The following EMC3 variants were observed in gnomAD, a reference collection of about 807,000 sequenced individuals.
The protein encoded by EMC3 is 30 kDa protein.
EMC3 carries 13 observed loss-of-function variants against 36.6 expected under a neutral mutation model. The observed-to-expected ratio is 0.35, with a 90% CI of 0.23 to 0.56. The LOEUF is 0.56. Among genes scored for constraint, EMC3 ranks in the 20% least tolerant of loss-of-function variants. The pLI is 0.84. For missense variants in EMC3, 220 were observed against 324.5 expected, an observed-to-expected ratio of 0.68 and a Z score of 2.47; for synonymous variants, 120 against 111.9, an observed-to-expected ratio of 1.07 and a Z score of -0.46.
chr3:9,990,249 C>T (rs779117640), upstream of EMC3, among the ~76,000 whole-genome samples: 3 of 149,592 alleles, frequency 2.0e-5, no homozygotes, highest in Non-Finnish European at 4.4e-5. Flanking sequence ...TGGTCTGGAT[C>T]TCCTGACCTT....
At chr3:9,970,950 T>C (rs1249126492) in intron 5 of EMC3, among the ~76,000 whole-genome samples, 2 of 148,346 alleles carry the variant, frequency 1.3e-5, no homozygotes, top group Non-Finnish European at 3.0e-5. Context: ...TGAGACGGAG[T>C]CTCACCCTGT....
chr3:10,001,006 C>T (rs55840655), intron 1 of EMC3: 52,771 of 248,684 alleles, frequency 0.21, 6,409 homozygotes, highest in African/African-American at 0.36. Context: ...AGCCGGACAA[C>T]CCACTCTTTA....
At chr3:9,988,955 A>C (rs2086012073), upstream of EMC3, among the ~76,000 whole-genome samples, 3 of 151,582 alleles carry the variant, frequency 2.0e-5, no homozygotes, top group South Asian at 6.3e-4. Flanking sequence ...TCTGGCTATA[A>C]AATAAGCCTA....
At chr3:10,000,015 T>G (rs1292991583) in intron 1 of EMC3, among the ~76,000 whole-genome samples, 3 of 152,048 alleles carry the variant, frequency 2.0e-5, no homozygotes, top group African/African-American at 7.2e-5. Context: ...TCCATTAAGT[T>G]TTTGTTGTTG....
upstream of EMC3, among the ~76,000 whole-genome samples, chr3:9,991,543 G>T (rs747559374): frequency 6.6e-6 from 1 of 151,990 alleles, no homozygotes; most frequent in South Asian, 2.1e-4. Flanking sequence ...AAGAGACAGG[G>T]TCTCACTCTG....
Position 9,970,643 on chromosome 3 carries a change from C to T in EMC3, c.513G>A (p.Trp171Ter), listed in dbSNP as rs1279503844. The stretch of plus-strand genomic sequence containing the variant: ...GAAGCCCAAATACATTGAGGAAGTA[C>T]CAGGATGCAGAACTCACCCTGGCAA... ...LDASWVSSAS[W>*]YFLNVFGLRS... is the part of the protein sequence containing the mutation. Residue 171 changes from tryptophan (W) to a stop codon, truncating the protein, a stop_gained, in exon 6 of 8, where the codon TGG (tryptophan) becomes TGA (stop). Transcript: ENST00000245046. LOFTEE classifies it high-confidence loss of function. The T allele has an allele frequency of 6.2e-7, 1 of 1,614,070 alleles. No individual in the cohort carries two copies. The highest frequency in any genetic ancestry group is 8.5e-7 in the Non-Finnish European group (1 of 1,179,996).
chr3:9,967,454 G>A (rs1361800394), intron 7 of EMC3, among the ~76,000 whole-genome samples: 1 of 90,926 alleles, frequency 1.1e-5, no homozygotes, highest in South Asian at 2.8e-4. Context: ...AGCACCATTC[G>A]TTGAATGGAG....
At chr3:9,976,758 TG>T (rs1254556385) in intron 3 of EMC3, among the ~76,000 whole-genome samples, 198 bp downstream of exon 3, 1 of 152,082 alleles carries the variant, frequency 6.6e-6, no homozygotes, top group African/African-American at 2.4e-5. Flanking sequence ...CTTTATACAT[TG>T]GGGTTCTCAG....
At chr3:9,985,308 G>T (rs2085958714) in intron 1 of EMC3, among the ~76,000 whole-genome samples, 1 of 152,216 alleles carries the variant, frequency 6.6e-6, no homozygotes, top group Non-Finnish European at 1.5e-5. Context: ...CCTGTGAAAA[G>T]TTCTTAGCCT....
rs554224029 is a variant in EMC3, at chr3:10,003,549, C to G, written c.-242+7474G>C. ...CCAGGAGCTCCAGAACTGTAAAATCCTGGACACCATTGGCCGTGGCACGTT... is the reference window on the plus strand; with the variant it reads ...CCAGGAGCTCCAGAACTGTAAAATCGTGGACACCATTGGCCGTGGCACGTT... On this transcript the variant is annotated intron_variant, in intron 1 of 8. Transcript: ENST00000470827. 6.7e-5 allele frequency: 19 copies of G among 282,448 alleles called. No homozygotes were observed. In the East Asian group the frequency reaches 1.6e-3, roughly 23 times the overall value. The allele number at this position is 282,448 out of a possible 1,614,324, so 17.5% of individuals were successfully genotyped here.
intron 7 of EMC3, among the ~76,000 whole-genome samples, chr3:9,967,095 T>G (rs1270590807): frequency 6.6e-6 from 1 of 152,188 alleles, no homozygotes; most frequent in East Asian, 1.9e-4. Flanking sequence ...TAACCTACTT[T>G]CTTGTCTCTG....
In EMC3 at chr3:9,967,130, T is replaced by C. The variant is rs1043112574; in HGVS notation, c.657+2589A>G. 9.2e-5 allele frequency among the ~76,000 whole-genome samples: 14 copies of C among 152,292 alleles called. No homozygotes were observed. The East Asian group carries it at 2.3e-3, about 25-fold the overall frequency. On this transcript the variant is annotated intron_variant, in intron 7 of 7. Transcript: ENST00000245046. ...GTGAATTTTCCTATTCCAAATATTT[T>C]ATATGAGTAATATCATGCAATATTA...
chr3:9,972,832 CTTTT>C (rs113982519), intron 5 of EMC3, among the ~76,000 whole-genome samples: 1 of 141,994 alleles, frequency 7.0e-6, no homozygotes, highest in Non-Finnish European at 1.5e-5. Context: ...AAATCCTCAT[CTTTT>C]TTTTTTTTTT....
intron 7 of EMC3, chr3:9,968,810 C>G (rs1332108897): frequency 6.8e-6 from 1 of 147,468 alleles, no homozygotes; most frequent in African/African-American, 2.6e-5. Flanking sequence ...GTGCCCAGCT[C>G]ATTTTTGTAT....
At position 9,963,454 on chromosome 3, in the gene EMC3, G is replaced by GT. The variant is rs2085705958; in HGVS notation, c.*614_*615insA. On this transcript the variant is annotated 3_prime_UTR_variant, in exon 8 of 8. Transcript: ENST00000245046. ...CGAAGACTGGGCTTCTGCTAAGATAGATATATATATATATATATATATATT... is the reference window on the plus strand; with the variant it reads ...CGAAGACTGGGCTTCTGCTAAGATAGTATATATATATATATATATATATATT... The GT allele has an allele frequency of 1.0e-5, 1 of 99,716 alleles. No individual in the cohort carries two copies. The highest frequency in any genetic ancestry group is 1.9e-5 in the Non-Finnish European group (1 of 51,734). 6.2% of individuals were successfully genotyped at this position (99,716 alleles called of 1,614,324 possible).
chr3:9,991,817 A>T, upstream of EMC3, among the ~76,000 whole-genome samples: 1 of 152,176 alleles, frequency 6.6e-6, no homozygotes, highest in Non-Finnish European at 1.5e-5. Flanking sequence ...CAGTTTTTCC[A>T]CAGACCGTTT....
intron 5 of EMC3, 56 bp downstream of exon 5, chr3:9,973,572 G>T: frequency 6.7e-7 from 1 of 1,500,116 alleles, no homozygotes; most frequent in Non-Finnish European, 9.3e-7. Flanking sequence ...TGATCCTCCC[G>T]CCTTGGCTTC....
Position 9,964,111 on chromosome 3 carries a change from G to A in EMC3, c.744C>T (p.Phe248=), listed in dbSNP as rs769523238. The A allele has an allele frequency of 1.1e-5, 17 of 1,613,984 alleles. No homozygotes were observed. The highest frequency in any genetic ancestry group is 1.6e-4 in the Middle Eastern group (1 of 6,084). Residue 248 remains phenylalanine, a synonymous_variant, in exon 8 of 8, where the codon TTC becomes TTT. Coordinates refer to ENST00000245046, the MANE Select transcript of EMC3 (RefSeq NM_001394674.1). ...EEELMAKDLH[F]EGMFKKELQT... Reference sequence around the variant, plus strand: ...GTAATTCCTTTTTGAACATGCCTTCGAAGTGGAGGTCTTTGGCCATGAGCT... The same window carrying A: ...GTAATTCCTTTTTGAACATGCCTTCAAAGTGGAGGTCTTTGGCCATGAGCT...
At chr3:9,988,407 G>A (rs979854350), upstream of EMC3, 31 of 1,328,002 alleles carry the variant, frequency 2.3e-5, no homozygotes, top group South Asian at 4.7e-5. Context: ...GGTCAGAACC[G>A]TATTATTCTC....
Sources: allele counts gnomAD v4.1 joint callset (sites outside exome capture counted in the v4.1 genomes callset), GRCh38; gene constraint gnomAD v4.1.1; transcripts MANE v1.5; gene names NCBI Gene and HGNC (gene_info 2026-07-23, HGNC 2026-07-21).